SIPA1L1: variants seen among roughly 807,000 people sequenced by gnomAD.
SIPA1L1 encodes signal-induced proliferation-associated 1-like protein 1.
Under a neutral mutation model 162.7 loss-of-function variants are expected in SIPA1L1, and 26 were observed. That is an observed-to-expected ratio of 0.16 (90% confidence interval 0.12 to 0.22). The LOEUF (loss-of-function observed/expected upper bound fraction) is 0.22, where lower values mean the gene tolerates loss of function less well. Among genes scored for constraint, SIPA1L1 ranks in the 10% least tolerant of loss-of-function variants. SIPA1L1 has a pLI of 1.00. For missense variants in SIPA1L1, 1,874 were observed against 2,241.0 expected (o/e 0.84, Z 3.31); for synonymous variants, 829 against 837.4 (o/e 0.99, Z 0.17).
intron 2 of SIPA1L1, among the ~76,000 whole-genome samples, chr14:71,396,201 C>G (rs1241757344): frequency 6.6e-6 from 1 of 152,156 alleles, no homozygotes; most frequent in Non-Finnish European, 1.5e-5. Flanking sequence ...AGGACTTATT[C>G]TGTGCCAGGT....
chr14:71,630,274 G>C (rs1411099490), intron 7 of SIPA1L1, among the ~76,000 whole-genome samples: 1 of 152,194 alleles, frequency 6.6e-6, no homozygotes, highest in South Asian at 2.1e-4. Flanking sequence ...GGCATCTGTA[G>C]CTTTGTCTTG....
chr14:71,704,112 ATTAAAATAATTT>A (rs1235240344), intron 15 of SIPA1L1, among the ~76,000 whole-genome samples: 2 of 152,212 alleles, frequency 1.3e-5, no homozygotes, highest in East Asian at 1.9e-4. Context: ...CAAATAAAAT[ATTAAAATAATTT>A]TTAAAATAAT....
intron 4 of SIPA1L1, among the ~76,000 whole-genome samples, chr14:71,557,862 T>G (rs1027570854): frequency 1.4e-4 from 22 of 152,206 alleles, no homozygotes; most frequent in African/African-American, 5.1e-4. Flanking sequence ...CAAGTTCAAT[T>G]TTTTAGAAAT....
intron 4 of SIPA1L1, among the ~76,000 whole-genome samples, chr14:71,576,169 C>T (rs992900037): frequency 3.9e-5 from 6 of 152,184 alleles, no homozygotes; most frequent in Non-Finnish European, 7.3e-5. Context: ...GGCTGAACCA[C>T]AGGTAGACTG....
chr14:71,650,504 C>T lies in SIPA1L1; in HGVS notation c.1988C>T (p.Thr663Ile). 1 of 1,613,844 alleles carries T rather than the reference C, an allele frequency of 6.2e-7. No homozygotes were observed. Among genetic ancestry groups the T allele is most frequent in the Non-Finnish European group, 8.5e-7 (1 of 1,179,818 alleles). Residue 663 changes from threonine to isoleucine, a missense_variant, in exon 8 of 24, where the codon ACC becomes ATC. By Grantham distance (89) the Thr-to-Ile change is moderately conservative. Around this residue, in one of 5 missense-constraint regions of SIPA1L1, gnomAD observed 685 missense variants for 828.0 expected, o/e 0.83. Transcript: ENST00000381232. ...GFEKYRAQLDTKTDSTGTHSL... is the reference protein window; with the variant it reads ...GFEKYRAQLDIKTDSTGTHSL... ...GAGAAGTATCGAGCACAGCTTGATA[C>T]CAAAAGTAAGAAATACTTACACCCT...
At chr14:71,477,300 C>T (rs2047947747) in intron 2 of SIPA1L1, among the ~76,000 whole-genome samples, 1 of 152,174 alleles carries the variant, frequency 6.6e-6, no homozygotes, top group African/African-American at 2.4e-5. Context: ...ACTGTCTCCC[C>T]ACCTCTACCT....
chr14:71,670,185 A>G (rs2044378889), intron 10 of SIPA1L1, among the ~76,000 whole-genome samples: 1 of 152,206 alleles, frequency 6.6e-6, no homozygotes, highest in Non-Finnish European at 1.5e-5. Flanking sequence ...ATGATATAAA[A>G]CACTCAACCT....
chr14:71,650,745 G>T (rs1278574143), intron 8 of SIPA1L1, among the ~76,000 whole-genome samples: 2 of 152,128 alleles, frequency 1.3e-5, no homozygotes, highest in Admixed American at 6.5e-5. Flanking sequence ...ATGGAGTGGG[G>T]CAGTGACACA....
intron 14 of SIPA1L1, among the ~76,000 whole-genome samples, 196 bp downstream of exon 14, chr14:71,699,323 ATCC>A (rs1279765382): frequency 2.0e-5 from 3 of 152,238 alleles, no homozygotes; most frequent in Admixed American, 6.5e-5. Context: ...GAAGTTTATC[ATCC>A]TCTAGCCTCT....
chr14:71,504,003 C>G (rs967732253), intron 2 of SIPA1L1: 1 of 151,838 alleles, frequency 6.6e-6, no homozygotes, highest in African/African-American at 2.4e-5. Flanking sequence ...CAGGGTTTTA[C>G]CATGTTGTCC....
chr14:71,723,986 G>A lies in SIPA1L1; in HGVS notation c.4448+100G>A, dbSNP rs2083998569. 3.5e-6 allele frequency: 5 copies of A among 1,438,000 alleles called. No homozygotes were observed. In the East Asian group the frequency reaches 9.5e-5, roughly 27 times the overall value. The allele number at this position is 1,438,000 out of a possible 1,614,324, so 89.1% of individuals were successfully genotyped here. ...TCTTACAACAAAAGAGGCCGGGCTA[G>A]GGGGTTGGCAGGAGTTGGTCTGTTG... is the stretch of plus-strand genomic sequence containing the variant. On this transcript the variant is annotated intron_variant, in intron 18 of 23. Coordinates refer to ENST00000381232, the MANE Select transcript of SIPA1L1 (RefSeq NM_001386936.1).
intron 2 of SIPA1L1, among the ~76,000 whole-genome samples, chr14:71,505,169 T>C (rs1271792711): frequency 6.6e-6 from 1 of 152,214 alleles, no homozygotes; most frequent in Non-Finnish European, 1.5e-5. Flanking sequence ...GTTCTTTCAT[T>C]CTTTGCCCAG....
intron 7 of SIPA1L1, among the ~76,000 whole-genome samples, chr14:71,646,635 C>T (rs75638904): frequency 2.6e-5 from 4 of 152,178 alleles, no homozygotes; most frequent in Admixed American, 2.0e-4. Context: ...AGCCCTTGTC[C>T]CATTGGACTG....
intron 4 of SIPA1L1, among the ~76,000 whole-genome samples, chr14:71,559,572 A>G (rs961342817): frequency 6.6e-6 from 1 of 152,184 alleles, no homozygotes; most frequent in Non-Finnish European, 1.5e-5. Flanking sequence ...ATGTTATGTG[A>G]AACACTGTAA....
intron 16 of SIPA1L1, among the ~76,000 whole-genome samples, chr14:71,707,002 G>A (rs550164643): frequency 5.3e-4 from 78 of 148,006 alleles, no homozygotes; most frequent in Non-Finnish European, 9.5e-4. Context: ...GCCACTGCAC[G>A]CCAGCCTGGG....
intron 12 of SIPA1L1, among the ~76,000 whole-genome samples, chr14:71,677,590 G>T (rs1042812285): frequency 6.6e-6 from 1 of 152,220 alleles, no homozygotes; most frequent in Admixed American, 6.5e-5. Flanking sequence ...TTTCTTCTAG[G>T]GTTTTTATGG....
intron 2 of SIPA1L1, among the ~76,000 whole-genome samples, chr14:71,409,035 T>C (rs1353832937): frequency 6.6e-6 from 1 of 152,206 alleles, no homozygotes; most frequent in Non-Finnish European, 1.5e-5. Flanking sequence ...AGCTACTGTG[T>C]GTTCCCCCGT....
intron 2 of SIPA1L1, among the ~76,000 whole-genome samples, chr14:71,327,057 T>C (rs1428730433): frequency 6.6e-6 from 1 of 151,524 alleles, no homozygotes; most frequent in Non-Finnish European, 1.5e-5. Flanking sequence ...TAATAGTCTC[T>C]AGCTCCCAGA....
intron 3 of SIPA1L1, among the ~76,000 whole-genome samples, chr14:71,528,466 G>A (rs1189211961): frequency 1.3e-5 from 2 of 151,572 alleles, no homozygotes; most frequent in Non-Finnish European, 2.9e-5. Flanking sequence ...ACCTGTCTGG[G>A]CAATATGGTG....
Sources: allele counts gnomAD v4.1 joint callset (sites outside exome capture counted in the v4.1 genomes callset), GRCh38; gene constraint gnomAD v4.1.1; regional missense constraint gnomAD v4.1.1; transcripts MANE v1.5; gene names NCBI Gene and HGNC (gene_info 2026-07-23, HGNC 2026-07-21).